TRIM33: variants seen among roughly 807,000 people sequenced by gnomAD.
TRIM33 encodes the protein tripartite motif containing 33.
TRIM33 carries 20 observed loss-of-function variants against 125.4 expected under a neutral mutation model. That is an observed-to-expected ratio of 0.16 (90% CI 0.11 to 0.23). TRIM33 has a LOEUF of 0.23. Ranked by LOEUF, TRIM33 falls within the 10% of genes least tolerant of loss-of-function variation. The probability of loss-of-function intolerance (pLI) is 1.00; values close to 1 mark genes in which losing one functional copy is unlikely to be tolerated. For synonymous variants in TRIM33, 564 were observed against 513.9 expected, an observed-to-expected ratio of 1.10 and a Z score of -1.32; for missense variants, 920 against 1,411.4, an observed-to-expected ratio of 0.65 and a Z score of 5.58.
chr1:114,404,779 A>G (rs951908745), intron 15 of TRIM33: 1 of 150,922 alleles, frequency 6.6e-6, no homozygotes, highest in African/African-American at 2.4e-5. Context: ...AATTAAAGTT[A>G]CTGCTTCTCA....
chr1:114,443,412 T>C (rs1302858270), intron 4 of TRIM33, among the ~76,000 whole-genome samples: 1 of 152,020 alleles, frequency 6.6e-6, no homozygotes, highest in Non-Finnish European at 1.5e-5. Flanking sequence ...AATGAATGAA[T>C]GAATGAATGA....
At chr1:114,499,750 A>G (rs1652596464) in intron 1 of TRIM33, among the ~76,000 whole-genome samples, 1 of 152,224 alleles carries the variant, frequency 6.6e-6, no homozygotes, top group Non-Finnish European at 1.5e-5. Context: ...ACTATAAAAC[A>G]CAGGAGGACA....
intron 1 of TRIM33, among the ~76,000 whole-genome samples, chr1:114,502,867 AAATT>A (rs1383985236): frequency 2.6e-5 from 4 of 152,308 alleles, no homozygotes; most frequent in South Asian, 4.1e-4. Flanking sequence ...AAACAAAAAA[AAATT>A]AATAAAGAGT....
At chr1:114,465,926 C>T (rs1269718280) in intron 1 of TRIM33, among the ~76,000 whole-genome samples, 1 of 151,780 alleles carries the variant, frequency 6.6e-6, no homozygotes, top group Non-Finnish European at 1.5e-5. Flanking sequence ...GCCTGTATTC[C>T]CAGCTACTCA....
chr1:114,508,542 C>T (rs1243306700), intron 1 of TRIM33, among the ~76,000 whole-genome samples: 1 of 152,166 alleles, frequency 6.6e-6, no homozygotes. Context: ...TTCTTACCTA[C>T]ATGTACCAAT....
At chr1:114,442,751 TA>T (rs1017573274) in intron 4 of TRIM33, among the ~76,000 whole-genome samples, 1 of 148,436 alleles carries the variant, frequency 6.7e-6, no homozygotes, top group Non-Finnish European at 1.5e-5. Flanking sequence ...ACGGAAGAAC[TA>T]AAAAAGTGAG....
rs569536107 is a variant in TRIM33, at chr1:114,471,046, G to A, written c.527-6658C>T. 2.6e-5 allele frequency among the ~76,000 whole-genome samples: 4 copies of A among 152,242 alleles called. No homozygotes were observed. The East Asian group carries it at 5.8e-4, about 22-fold the overall frequency. On this transcript the variant is annotated intron_variant, in intron 1 of 19. Coordinates refer to ENST00000358465, the MANE Select transcript of TRIM33 (RefSeq NM_015906.4). Reference sequence around the variant, plus strand: ...ACTCCTGGGCCCAAGCAATCCTCCCGCATAGGCCTCTCAAAGTGTTGGGAC... The same window carrying A: ...ACTCCTGGGCCCAAGCAATCCTCCCACATAGGCCTCTCAAAGTGTTGGGAC...
intron 5 of TRIM33, among the ~76,000 whole-genome samples, chr1:114,431,221 G>T (rs1006412109): frequency 6.6e-6 from 1 of 152,186 alleles, no homozygotes; most frequent in East Asian, 1.9e-4. Context: ...GTGACTTCTG[G>T]ATAGTGTCAA....
chr1:114,419,356 G>A (rs1379718524), intron 11 of TRIM33, among the ~76,000 whole-genome samples: 1 of 152,108 alleles, frequency 6.6e-6, no homozygotes, highest in Non-Finnish European at 1.5e-5. Flanking sequence ...TTACTGCAGT[G>A]CCATGGTCTC....
At chr1:114,401,125 C>G (rs933161246) in intron 17 of TRIM33, among the ~76,000 whole-genome samples, 1 of 151,876 alleles carries the variant, frequency 6.6e-6, no homozygotes, top group East Asian at 1.9e-4. Flanking sequence ...CAAGCTCCGC[C>G]TCCCGGGTTC....
At chr1:114,473,689 C>A (rs1451268302) in intron 1 of TRIM33, among the ~76,000 whole-genome samples, 2 of 152,136 alleles carry the variant, frequency 1.3e-5, no homozygotes, top group Non-Finnish European at 2.9e-5. Flanking sequence ...ATTGAACACA[C>A]TGACATTGAT....
intron 17 of TRIM33, among the ~76,000 whole-genome samples, chr1:114,399,893 CA>C (rs1287586176): frequency 6.6e-6 from 1 of 151,390 alleles, no homozygotes; most frequent in Non-Finnish European, 1.5e-5. Context: ...AGCCTTGAGG[CA>C]ACATTTGACT....
intron 5 of TRIM33, among the ~76,000 whole-genome samples, chr1:114,432,075 G>A (rs920507588): frequency 1.3e-5 from 2 of 152,158 alleles, no homozygotes; most frequent in African/African-American, 2.4e-5. Flanking sequence ...TGAAAAATGT[G>A]TCTAAAAGGG....
chr1:114,409,935 C>G (rs181331770), intron 12 of TRIM33, among the ~76,000 whole-genome samples: 1 of 152,072 alleles, frequency 6.6e-6, no homozygotes, highest in Non-Finnish European at 1.5e-5. Context: ...CCTCCTCATG[C>G]CCCAAAGAAG....
chr1:114,419,877 CTTACT>C (rs1653169998), intron 11 of TRIM33, among the ~76,000 whole-genome samples: 2 of 152,238 alleles, frequency 1.3e-5, no homozygotes, highest in Middle Eastern at 3.4e-3. Context: ...AATATACACA[CTTACT>C]TTAAATAAAA....
At chr1:114,434,081 AAAGG>A (rs1170547258) in intron 4 of TRIM33, among the ~76,000 whole-genome samples, 2 of 152,224 alleles carry the variant, frequency 1.3e-5, no homozygotes, top group Non-Finnish European at 2.9e-5. Flanking sequence ...AAATACTATA[AAAGG>A]AAGGGAAATC....
At position 114,397,310 on chromosome 1, in the gene TRIM33, C is replaced by A; in HGVS notation, c.*338G>T. The A allele has an allele frequency of 3.2e-6, 1 of 315,478 alleles. No individual in the cohort carries two copies. Among genetic ancestry groups the A allele is most frequent in the South Asian group, 6.5e-5 (1 of 15,404 alleles). The allele number at this position is 315,478 out of a possible 1,614,324, so 19.5% of individuals were successfully genotyped here. A position where few individuals can be genotyped will look rare whatever the true frequency, so the allele number is the denominator to read the frequency against. On this transcript the variant is annotated 3_prime_UTR_variant, in exon 20 of 20. Coordinates refer to ENST00000358465, the MANE Select transcript of TRIM33 (RefSeq NM_015906.4). ...GAGTCTCAAGTATTTACTCGTATACCAAGTATCCTGCACCAATCAATAGCA... is the reference window on the plus strand; with the variant it reads ...GAGTCTCAAGTATTTACTCGTATACAAAGTATCCTGCACCAATCAATAGCA...
At chr1:114,479,834 C>T (rs1227626223) in intron 1 of TRIM33, among the ~76,000 whole-genome samples, 3 of 152,030 alleles carry the variant, frequency 2.0e-5, no homozygotes, top group Admixed American at 1.3e-4. Context: ...AGCCCCCGCC[C>T]GGCCAGCTGC....
rs776201792 is a variant in TRIM33, at chr1:114,427,170, T to G, written c.1420+7A>C. On this transcript the variant is annotated splice_region_variant and intron_variant, in intron 8 of 19. Transcript: ENST00000358465. ...AAGTTATATTCATAAAACTCATTAT[T>G]TCTCACCTAAATTGACTACATTCTT... 2.2e-6 allele frequency: 3 copies of G among 1,390,172 alleles called. No individual in the cohort carries two copies. Among genetic ancestry groups the G allele is most frequent in the Middle Eastern group, 1.8e-4 (1 of 5,572 alleles). The allele number at this position is 1,390,172 out of a possible 1,614,324, so 86.1% of individuals were successfully genotyped here. A position where few individuals can be genotyped will look rare whatever the true frequency, so the allele number is the denominator to read the frequency against.
Sources: allele counts gnomAD v4.1 joint callset (sites outside exome capture counted in the v4.1 genomes callset), GRCh38; gene constraint gnomAD v4.1.1; transcripts MANE v1.5; gene names NCBI Gene and HGNC (gene_info 2026-07-23, HGNC 2026-07-21).